RASL12: variants seen among roughly 807,000 people sequenced by gnomAD.
The protein encoded by RASL12 is RAS like family 12.
RASL12 carries 16 observed loss-of-function variants against 22.9 expected under a neutral mutation model. The observed-to-expected ratio is 0.70, with a 90% CI of 0.47 to 1.06. The LOEUF (loss-of-function observed/expected upper bound fraction) is 1.06. Ranked by LOEUF, RASL12 falls within the 50% of genes least tolerant of loss-of-function variation. The probability of loss-of-function intolerance (pLI) is 0.00; values close to 1 mark genes in which losing one functional copy is unlikely to be tolerated. For synonymous variants in RASL12, 159 were observed against 152.2 expected (o/e 1.04, Z -0.33); for missense variants, 306 against 353.1 (o/e 0.87, Z 1.07).
intron 1 of RASL12, among the ~76,000 whole-genome samples, chr15:65,067,062 G>A (rs1040410570): frequency 1.1e-4 from 17 of 152,146 alleles, no homozygotes; most frequent in African/African-American, 3.6e-4. Flanking sequence ...GGTCTGGCTT[G>A]AAACGAACAC....
chr15:65,074,025 G>A (rs1325429575), intron 1 of RASL12, among the ~76,000 whole-genome samples: 1 of 152,184 alleles, frequency 6.6e-6, no homozygotes, highest in Non-Finnish European at 1.5e-5. Flanking sequence ...CCCAAGTCAG[G>A]GGCTTTATGG....
chr15:65,049,389 A>G (rs1452944586), downstream of RASL12: 2 of 151,462 alleles, frequency 1.3e-5, no homozygotes, highest in African/African-American at 4.9e-5. Flanking sequence ...CCCTCTCAGC[A>G]TCAGGAGCCG....
At chr15:65,050,269 C>T (rs1351501513), downstream of RASL12, among the ~76,000 whole-genome samples, 2 of 152,160 alleles carry the variant, frequency 1.3e-5, no homozygotes, top group South Asian at 2.1e-4. Context: ...CTGGCTGGAC[C>T]GCCCCTTCCT....
chr15:65,074,927 T>A (rs2086954623), intron 1 of RASL12, among the ~76,000 whole-genome samples: 1 of 152,248 alleles, frequency 6.6e-6, no homozygotes, highest in African/African-American at 2.4e-5. Flanking sequence ...TTGGCGGCAC[T>A]TGTGGAGCCC....
downstream of RASL12, among the ~76,000 whole-genome samples, chr15:65,052,064 A>G (rs752838805): frequency 5.3e-5 from 8 of 152,186 alleles, no homozygotes; most frequent in African/African-American, 1.7e-4. Flanking sequence ...AATAAAACCA[A>G]TCTGGAGAGA....
At chr15:65,068,715 C>T (rs1392600215), upstream of RASL12, among the ~76,000 whole-genome samples, 8 of 152,192 alleles carry the variant, frequency 5.3e-5, no homozygotes, top group Non-Finnish European at 1.0e-4. This position sits in a 1 kb window ranked among gnomAD's most constrained non-coding sequence, Gnocchi z 4.2. Flanking sequence ...GTGAGCCTGG[C>T]AGGGGTCCCC....
the RASL12 span, among the ~76,000 whole-genome samples, chr15:65,047,958 T>C: frequency 2.0e-5 from 3 of 152,020 alleles, no homozygotes; most frequent in Non-Finnish European, 4.4e-5. Context: ...GCGAGTGGAT[T>C]ACCTGATGTC....
At chr15:65,060,563 G>A (rs548025925) in intron 2 of RASL12, among the ~76,000 whole-genome samples, 3 of 152,224 alleles carry the variant, frequency 2.0e-5, no homozygotes, top group Non-Finnish European at 4.4e-5. Context: ...CAGGCATGCA[G>A]AGGACCTTGC....
At chr15:65,060,564 A>T (rs1469703270) in intron 2 of RASL12, among the ~76,000 whole-genome samples, 1 of 152,248 alleles carries the variant, frequency 6.6e-6, no homozygotes, top group Non-Finnish European at 1.5e-5. Context: ...AGGCATGCAG[A>T]GGACCTTGCG....
chr15:65,056,254 C>T (rs1451556454), intron 4 of RASL12, among the ~76,000 whole-genome samples: 2 of 152,108 alleles, frequency 1.3e-5, no homozygotes, highest in African/African-American at 2.4e-5. Context: ...AGGAGGCACT[C>T]GAGTGGGCCA....
At chr15:65,073,528 A>C (rs2086945637) in intron 1 of RASL12, among the ~76,000 whole-genome samples, 1 of 152,164 alleles carries the variant, frequency 6.6e-6, no homozygotes, top group Admixed American at 6.5e-5. Flanking sequence ...TCAGGCAGTA[A>C]TGAGGATGGG....
chr15:65,051,463 T>G, downstream of RASL12: 136 of 1,566,732 alleles, frequency 8.7e-5, no homozygotes, highest in Non-Finnish European at 1.1e-4. Flanking sequence ...TTAGCGGGCT[T>G]GAGAGGTGCC....
chr15:65,072,783 G>C (rs1287776979), upstream of RASL12, among the ~76,000 whole-genome samples: 4 of 152,140 alleles, frequency 2.6e-5, no homozygotes, highest in Non-Finnish European at 5.9e-5. Flanking sequence ...TGAGAGGATT[G>C]AACCATATGA....
At chr15:65,071,781 C>T (rs911584200), upstream of RASL12, among the ~76,000 whole-genome samples, 7 of 152,030 alleles carry the variant, frequency 4.6e-5, no homozygotes, top group African/African-American at 1.2e-4. Context: ...ACTGTAGTCC[C>T]GGGACTATGC....
At chr15:65,070,793 A>G (rs894178542), upstream of RASL12, among the ~76,000 whole-genome samples, 6 of 152,188 alleles carry the variant, frequency 3.9e-5, no homozygotes, top group African/African-American at 1.4e-4. Flanking sequence ...CAACATGACA[A>G]CCACTTCTGT....
chr15:65,072,810 A>G (rs1201360360), upstream of RASL12, among the ~76,000 whole-genome samples: 6 of 152,154 alleles, frequency 3.9e-5, no homozygotes, highest in Non-Finnish European at 8.8e-5. Flanking sequence ...GGTGCCTTTC[A>G]GCTATGCCCT....
chr15:65,054,746 A>G lies in RASL12; in HGVS notation c.*153T>C, dbSNP rs2086702733. The G allele has an allele frequency of 4.1e-6, 6 of 1,454,610 alleles. No homozygotes were observed. The highest frequency in any genetic ancestry group is 5.4e-6 in the Non-Finnish European group (6 of 1,109,274). The allele number at this position is 1,454,610 out of a possible 1,614,324, so 90.1% of individuals were successfully genotyped here. On this transcript the variant is annotated 3_prime_UTR_variant, in exon 5 of 5. Coordinates refer to ENST00000220062, the MANE Select transcript of RASL12 (RefSeq NM_016563.4). ...AAGCAGCATCCCTGCCTGCCACTCC[A>G]GCTCACACAGTGAATTGAGTGTAGG...
chr15:65,058,492 C>T lies in RASL12; in HGVS notation c.360G>A (p.Ala120=), dbSNP rs536386713. Residue 120 remains alanine (A), a synonymous_variant, in exon 4 of 5, where the codon GCG becomes GCA. Transcript: ENST00000220062. ...CAGGGATGCTGCGCTGTGTCTCCTT[C>T]GCGTGCAAGGCAAGCAGCTCCAGGT... ...SSYLELLALH[A]KETQRSIPAL... 37 of 1,610,282 alleles carry T rather than the reference C, an allele frequency of 2.3e-5. No individual in the cohort carries two copies. The highest frequency in any genetic ancestry group is 2.2e-4 in the East Asian group (10 of 44,750).
At chr15:65,053,155 TGA>T, downstream of RASL12, 1 of 1,613,850 alleles carries the variant, frequency 6.2e-7, no homozygotes, top group East Asian at 2.2e-5. Context: ...TACCAGAAAC[TGA>T]GAGCTAGTGA....
Sources: gnomAD v4.1 joint callset for allele counts (sites outside exome capture counted in the v4.1 genomes callset) on GRCh38, gnomAD v4.1.1 for gene constraint, Gnocchi (gnomAD v3.1) non-coding constraint, MANE v1.5 for transcripts, NCBI Gene and HGNC (gene_info 2026-07-23, HGNC 2026-07-21) for gene names.